PRKDC: variants seen among roughly 807,000 people sequenced by gnomAD.
The protein encoded by PRKDC is protein kinase, DNA-activated, catalytic subunit, also known as DNA-dependent protein kinase catalytic subunit.
PRKDC carries 82 observed loss-of-function variants against 486.9 expected under a neutral mutation model. That is an observed-to-expected ratio of 0.17 (90% CI 0.14 to 0.20). PRKDC has a LOEUF of 0.20. Ranked by LOEUF, PRKDC falls within the 10% of genes least tolerant of loss-of-function variation. The pLI is 1.00. For missense variants in PRKDC, 4,504 were observed against 5,038.2 expected (o/e 0.89, Z 3.21); for synonymous variants, 1,895 against 1,837.0 (o/e 1.03, Z -0.81).
At chr8:47,834,477 C>T (rs2087962871) in intron 58 of PRKDC, 81 bp from the exon 59 acceptor site, 9 of 1,440,072 alleles carry the variant, frequency 6.2e-6, no homozygotes, top group South Asian at 1.2e-5. Flanking sequence ...CCAGGACACA[C>T]CTGGTGGCAC....
At chr8:47,873,653 C>T (rs2089013818) in intron 40 of PRKDC, among the ~76,000 whole-genome samples, 1 of 152,164 alleles carries the variant, frequency 6.6e-6, no homozygotes, top group Non-Finnish European at 1.5e-5. Context: ...AAAATATACA[C>T]AGTGGAGTAC....
At chr8:47,936,781 T>A (rs1370550160) in intron 11 of PRKDC, among the ~76,000 whole-genome samples, 1 of 147,488 alleles carries the variant, frequency 6.8e-6, no homozygotes, top group Non-Finnish European at 1.5e-5. Context: ...CACGCCTGGC[T>A]ATTTTTTTTT....
chr8:47,881,126 T>C (rs2089206837), intron 38 of PRKDC, among the ~76,000 whole-genome samples: 1 of 151,046 alleles, frequency 6.6e-6, no homozygotes, highest in South Asian at 2.1e-4. Flanking sequence ...AATGTTCTCA[T>C]GTCTTGGAGA....
intron 64 of PRKDC, among the ~76,000 whole-genome samples, chr8:47,822,573 A>C (rs1236735870): frequency 6.6e-6 from 1 of 151,970 alleles, no homozygotes; most frequent in Admixed American, 6.6e-5. Flanking sequence ...GGCGGATCAC[A>C]AGGTCAGGAG....
At chr8:47,875,393 T>C (rs2089070498) in intron 40 of PRKDC, among the ~76,000 whole-genome samples, 1 of 152,342 alleles carries the variant, frequency 6.6e-6, no homozygotes, top group East Asian at 1.9e-4. Context: ...TTAGCTTTGA[T>C]TGTGAAAACA....
At chr8:47,797,447 G>T (rs140295528) in intron 73 of PRKDC, among the ~76,000 whole-genome samples, 119 of 152,226 alleles carry the variant, frequency 7.8e-4, no homozygotes, top group African/African-American at 2.7e-3. Context: ...AGTGGTTAGG[G>T]CCCTAAAAGT....
At chr8:47,957,486 C>G in intron 1 of PRKDC, 55 bp from the exon 2 acceptor site, 1 of 1,386,746 alleles carries the variant, frequency 7.2e-7, no homozygotes, top group Non-Finnish European at 1.0e-6. Context: ...ATCATGTAAA[C>G]CACTCCTAAA....
Position 47,936,520 on chromosome 8 carries a change from T to G in PRKDC, c.1114-3A>C, listed in dbSNP as rs750218345. 3 of 1,613,780 alleles carry G rather than the reference T, an allele frequency of 1.9e-6. No homozygotes were observed. Among genetic ancestry groups the G allele is most frequent in the Non-Finnish European group, 2.5e-6 (3 of 1,179,750 alleles). The stretch of plus-strand genomic sequence containing the variant: ...TTTGCGTTTATAACCTTGCACGGCT[T>G]TAGAAAAGGTAAAACAGAAGTCTTC... On this transcript the variant is annotated splice_polypyrimidine_tract_variant and splice_region_variant and intron_variant, in intron 11 of 85. Transcript: ENST00000314191.
chr8:47,864,105 A>G (rs2088744220), intron 41 of PRKDC, among the ~76,000 whole-genome samples: 2 of 151,896 alleles, frequency 1.3e-5, no homozygotes. Context: ...TTTGGATTGT[A>G]CAGGTGGGTA....
chr8:47,873,103 G>A (rs1033839097), intron 40 of PRKDC, among the ~76,000 whole-genome samples: 12 of 151,924 alleles, frequency 7.9e-5, no homozygotes, highest in African/African-American at 2.4e-4. Flanking sequence ...GATATAAATT[G>A]TACAGCCAGT....
rs929022606 is a variant in PRKDC, at chr8:47,836,364, T to C, written c.7925A>G (p.His2642Arg). The change falls in exon 58 of 86, where the codon CAT (histidine) becomes CGT (arginine). Residue 2642 changes from histidine (H) to arginine (R), a missense_variant. Physicochemically the swap from His to Arg is conservative, Grantham distance 29. Transcript: ENST00000314191. ...TGCAGTCTGTGTCAGTGTGAAGTCATGCTGCTGCTGGGTGGCCCTTATCTG... is the reference window on the plus strand; with the variant it reads ...TGCAGTCTGTGTCAGTGTGAAGTCACGCTGCTGCTGGGTGGCCCTTATCTG... ...AGQIRATQQQ[H>R]DFTLTQTADG... 6.9e-6 allele frequency: 11 copies of C among 1,602,136 alleles called. No individual in the cohort carries two copies. The highest frequency in any genetic ancestry group is 8.5e-6 in the Non-Finnish European group (10 of 1,172,696).
chr8:47,846,999 T>C (rs756699268), intron 54 of PRKDC, among the ~76,000 whole-genome samples: 6 of 152,192 alleles, frequency 3.9e-5, no homozygotes, highest in African/African-American at 7.2e-5. Context: ...CTGAAAGAAA[T>C]CAGAGATGAT....
chr8:47,809,322 C>G (rs564414416), intron 68 of PRKDC, among the ~76,000 whole-genome samples: 1 of 152,284 alleles, frequency 6.6e-6, no homozygotes, highest in South Asian at 2.1e-4. Flanking sequence ...GGCTCATTCC[C>G]TAAAGCTACC....
At chr8:47,858,459 T>C (rs1393738035) in intron 48 of PRKDC, 57 bp downstream of exon 48, 13 of 1,365,730 alleles carry the variant, frequency 9.5e-6, no homozygotes, top group Non-Finnish European at 1.3e-5. Flanking sequence ...TTCATAGAAT[T>C]GAATAAACAG....
intron 35 of PRKDC, among the ~76,000 whole-genome samples, chr8:47,887,299 C>T (rs1206895867): frequency 6.6e-6 from 1 of 152,098 alleles, no homozygotes; most frequent in Non-Finnish European, 1.5e-5. Flanking sequence ...CGTTCTCTAG[C>T]TAATTCCTTT....
Position 47,799,452 on chromosome 8 carries a change from T to C in PRKDC, c.10117-62A>G, listed in dbSNP as rs1421203855. On this transcript the variant is annotated intron_variant, in intron 71 of 85. Transcript: ENST00000314191. ...TGAAGCTTTCTCAAAGAACTCTGCTTTCCATTTGTGACTCATGACACATAA... is the reference window on the plus strand; with the variant it reads ...TGAAGCTTTCTCAAAGAACTCTGCTCTCCATTTGTGACTCATGACACATAA... 17 of 1,407,700 alleles carry C rather than the reference T, an allele frequency of 1.2e-5. No homozygotes were observed. In the East Asian group the frequency reaches 4.1e-4, roughly 34 times the overall value. 87.2% of individuals were successfully genotyped at this position (1,407,700 alleles called of 1,614,324 possible).
intron 73 of PRKDC, among the ~76,000 whole-genome samples, chr8:47,795,190 CT>C (rs34711098): frequency 2.5e-3 from 263 of 105,304 alleles, no homozygotes; most frequent in Non-Finnish European, 3.0e-3. Context: ...CTGGCCAACT[CT>C]TTTTTTTTTT....
At chr8:47,798,571 G>C (rs1326646229) in intron 72 of PRKDC, among the ~76,000 whole-genome samples, 174 bp from the exon 73 acceptor site, 2 of 152,186 alleles carry the variant, frequency 1.3e-5, no homozygotes, top group South Asian at 2.1e-4. Flanking sequence ...ATCTATCCTG[G>C]AGCCAAATCC....
chr8:47,846,779 C>T (rs1157740211), intron 54 of PRKDC, among the ~76,000 whole-genome samples: 1 of 151,894 alleles, frequency 6.6e-6, no homozygotes. Context: ...CAAAACGTTC[C>T]TAGAACTGAT....
Sources: allele counts gnomAD v4.1 joint callset (sites outside exome capture counted in the v4.1 genomes callset), GRCh38; gene constraint gnomAD v4.1.1; transcripts MANE v1.5; gene names NCBI Gene and HGNC (gene_info 2026-07-23, HGNC 2026-07-21).